CDC123: variants seen among roughly 807,000 people sequenced by gnomAD.
CDC123 encodes translation initiation factor eIF2 assembly protein.
CDC123 carries 37 observed loss-of-function variants against 54.4 expected under a neutral mutation model. The ratio of observed to expected loss-of-function variants is 0.68; its 90% CI spans 0.52 to 0.89. The LOEUF is 0.89. CDC123 is among the 40% of genes least tolerant of loss of function. The pLI is 0.00. For missense variants in CDC123, 361 were observed against 412.1 expected, an observed-to-expected ratio of 0.88 and a Z score of 1.07; for synonymous variants, 144 against 136.8, an observed-to-expected ratio of 1.05 and a Z score of -0.37.
chr10:12,210,805 A>C (rs1057235695), intron 4 of CDC123, among the ~76,000 whole-genome samples: 2 of 152,106 alleles, frequency 1.3e-5, no homozygotes, highest in Non-Finnish European at 2.9e-5. Flanking sequence ...GGTTCAAGCT[A>C]TTCTCCTGCC....
In CDC123 at chr10:12,242,482, G is replaced by A. The variant is rs138630954; in HGVS notation, c.718-3667G>A. Among the ~76,000 whole-genome samples, 1,273 of 152,234 alleles carry A rather than the reference G, an allele frequency of 8.4e-3. 11 individuals are homozygous for A. The highest frequency in any genetic ancestry group is 0.013 in the South Asian group (62 of 4,828). ...TTGGAAGGAGTCGATTTTGTGTTAC[G>A]ATCTTCATGCCCAGTGCCTAACACA... On this transcript the variant is annotated intron_variant, in intron 10 of 12. Transcript: ENST00000281141.
At chr10:12,217,321 C>T in intron 5 of CDC123, 40 bp from the exon 6 acceptor site, 1 of 1,578,944 alleles carries the variant, frequency 6.3e-7, no homozygotes, top group Non-Finnish European at 8.6e-7. Flanking sequence ...TAGCAGCCAA[C>T]ATGGAATATG....
chr10:12,225,064 C>T (rs1046407709), intron 6 of CDC123, among the ~76,000 whole-genome samples: 13 of 152,144 alleles, frequency 8.5e-5, no homozygotes, highest in Admixed American at 8.5e-4. Context: ...GAACCCCTTA[C>T]AGAGCTTGAA....
chr10:12,203,657 G>A (rs956023326), intron 2 of CDC123, among the ~76,000 whole-genome samples: 2 of 152,064 alleles, frequency 1.3e-5, no homozygotes, highest in African/African-American at 4.8e-5. Flanking sequence ...GTATGAGATG[G>A]GCACCAAGGA....
chr10:12,227,312 A>G (rs1291743338), intron 6 of CDC123, among the ~76,000 whole-genome samples: 1 of 151,488 alleles, frequency 6.6e-6, no homozygotes, highest in Non-Finnish European at 1.5e-5. Flanking sequence ...GGGAGGAATA[A>G]TTGACTTTTC....
chr10:12,207,309 A>G (rs911923027), intron 2 of CDC123, among the ~76,000 whole-genome samples: 2 of 152,120 alleles, frequency 1.3e-5, no homozygotes, highest in Admixed American at 6.6e-5. Context: ...TTCAGTGTCT[A>G]CAAGTTCCTC....
chr10:12,223,952 G>A (rs1421504759), intron 6 of CDC123, among the ~76,000 whole-genome samples: 2 of 151,708 alleles, frequency 1.3e-5, no homozygotes, highest in African/African-American at 4.8e-5. Flanking sequence ...TGAGCTTTTG[G>A]TGCACCCATC....
At chr10:12,245,140 C>T (rs1276273633) in intron 10 of CDC123, 2 of 152,352 alleles carry the variant, frequency 1.3e-5, no homozygotes, top group African/African-American at 4.8e-5. Context: ...CAGGCACTGC[C>T]TGGCTCCGTC....
intron 4 of CDC123, among the ~76,000 whole-genome samples, chr10:12,211,960 C>T (rs950901950): frequency 1.1e-4 from 16 of 152,124 alleles, no homozygotes; most frequent in South Asian, 4.1e-4. Flanking sequence ...TGGTGGTAGA[C>T]GCCTGTAATA....
chr10:12,236,522 T>C (rs1399900274), intron 8 of CDC123, among the ~76,000 whole-genome samples: 1 of 151,276 alleles, frequency 6.6e-6, no homozygotes, highest in African/African-American at 2.4e-5. Context: ...TCACTTGAGC[T>C]CAGAAAGTGG....
At chr10:12,200,948 A>G (rs1835431265) in intron 2 of CDC123, among the ~76,000 whole-genome samples, 1 of 150,974 alleles carries the variant, frequency 6.6e-6, no homozygotes, top group South Asian at 2.1e-4. Flanking sequence ...AAAAAAAAGT[A>G]CTGTTAAACA....
At chr10:12,212,450 C>G (rs1047925691) in intron 4 of CDC123, among the ~76,000 whole-genome samples, 4 of 152,220 alleles carry the variant, frequency 2.6e-5, no homozygotes, top group South Asian at 4.1e-4. Flanking sequence ...AGCATCATAA[C>G]AAATAGAGTT....
intron 2 of CDC123, among the ~76,000 whole-genome samples, chr10:12,209,634 C>CA (rs1339569583): frequency 2.0e-5 from 3 of 152,264 alleles, no homozygotes; most frequent in African/African-American, 7.2e-5. Context: ...GATCTTAACT[C>CA]ACTGCAGCCT....
chr10:12,234,795 C>T (rs1835957389), intron 7 of CDC123, among the ~76,000 whole-genome samples: 1 of 148,692 alleles, frequency 6.7e-6, no homozygotes, highest in Admixed American at 6.7e-5. Context: ...CTCTTGTTTC[C>T]CAGGCTGAAG....
At chr10:12,233,380 C>G (rs1835930528) in intron 7 of CDC123, among the ~76,000 whole-genome samples, 2 of 151,586 alleles carry the variant, frequency 1.3e-5, no homozygotes. Context: ...CACAAGAAAC[C>G]TATAGCACTG....
At chr10:12,198,241 A>G (rs367625977) in intron 1 of CDC123, among the ~76,000 whole-genome samples, 3 of 152,218 alleles carry the variant, frequency 2.0e-5, no homozygotes, top group East Asian at 3.8e-4. Flanking sequence ...ATGAATTCTT[A>G]GCGGTAGGTG....
At chr10:12,216,405 C>CT (rs1835665339) in intron 5 of CDC123, among the ~76,000 whole-genome samples, 1 of 152,146 alleles carries the variant, frequency 6.6e-6, no homozygotes, top group Non-Finnish European at 1.5e-5. Flanking sequence ...TATCTCATGC[C>CT]TTTTTTATTC....
chr10:12,211,544 C>T (rs921305242), intron 4 of CDC123, among the ~76,000 whole-genome samples: 1 of 152,164 alleles, frequency 6.6e-6, no homozygotes, highest in Non-Finnish European at 1.5e-5. Context: ...TATGAAAATT[C>T]CATTCAGTGT....
At position 12,201,369 on chromosome 10, in the gene CDC123, T is replaced by C. The variant is rs570687050; in HGVS notation, c.146+2593T>C. 1.8e-4 allele frequency among the ~76,000 whole-genome samples: 27 copies of C among 152,332 alleles called. 1 individual carries two copies. In the South Asian group the frequency reaches 1.9e-3, roughly 11 times the overall value. ...GCTATGCAGAAAGTGGGGTGGTCATTACCCTTAAATTGCTGGGAGAGCTGA... is the reference window on the plus strand; with the variant it reads ...GCTATGCAGAAAGTGGGGTGGTCATCACCCTTAAATTGCTGGGAGAGCTGA... On this transcript the variant is annotated intron_variant, in intron 2 of 12. Coordinates refer to ENST00000281141, the MANE Select transcript of CDC123 (RefSeq NM_006023.3).
Sources: gnomAD v4.1 joint callset for allele counts (sites outside exome capture counted in the v4.1 genomes callset) on GRCh38, gnomAD v4.1.1 for gene constraint, MANE v1.5 for transcripts, NCBI Gene and HGNC (gene_info 2026-07-23, HGNC 2026-07-21) for gene names.